CYP17A1: variants seen among roughly 807,000 people sequenced by gnomAD.
CYP17A1 encodes the protein cytochrome P450 family 17 subfamily A member 1.
In CYP17A1, 27 loss-of-function variants were observed where a neutral mutation model predicts 38.5. The observed-to-expected ratio is 0.70, with a 90% CI of 0.52 to 0.97. The LOEUF (loss-of-function observed/expected upper bound fraction) is 0.97. Ranked by LOEUF, CYP17A1 falls within the 50% of genes least tolerant of loss-of-function variation. The pLI is 0.00. For missense variants in CYP17A1, 549 were observed against 645.9 expected, an observed-to-expected ratio of 0.85 and a Z score of 1.63; for synonymous variants, 263 against 253.3, an observed-to-expected ratio of 1.04 and a Z score of -0.36.
At position 102,834,784 on chromosome 10, in the gene CYP17A1, C is replaced by G; in HGVS notation, c.666+1G>C. ...TGAAGGCAGGGCTGGCAGCATCTCA[C>G]CTTCAACCAGGGGACTAGGTCCACC... On this transcript the variant is annotated splice_donor_variant, in intron 3 of 7. Transcript: ENST00000369887. LOFTEE classifies it high-confidence loss of function. 6.2e-7 allele frequency: 1 copy of G among 1,614,138 alleles called. No individual in the cohort carries two copies. Among genetic ancestry groups the G allele is most frequent in the Non-Finnish European group, 8.5e-7 (1 of 1,180,032 alleles).
chr10:102,834,824 C>T lies in CYP17A1; in HGVS notation c.627G>A (p.Leu209=), dbSNP rs1844138814. 1 of 1,614,052 alleles carries T rather than the reference C, an allele frequency of 6.2e-7. No homozygotes were observed. Among genetic ancestry groups the T allele is most frequent in the South Asian group, 1.1e-5 (1 of 91,080 alleles). ...QNYNEGIIDN[L]SKDSLVDLVP... ...CTAGGTCCACCAGGCTGTCTTTGCT[C>T]AGGTTGTCTATGATGCCTTCATTGT... Residue 209 remains leucine (L), a synonymous_variant, in exon 3 of 8, where the codon CTG becomes CTA. Coordinates refer to ENST00000369887, the MANE Select transcript of CYP17A1 (RefSeq NM_000102.4).
intron 6 of CYP17A1, 72 bp downstream of exon 6, chr10:102,832,439 G>T: frequency 9.9e-7 from 1 of 1,011,128 alleles, no homozygotes. Flanking sequence ...CGGGGGTAGG[G>T]GGAGCCAGGT....
At position 102,835,363 on chromosome 10, in the gene CYP17A1, A is replaced by G; in HGVS notation, c.327T>C (p.Arg109=). Residue 109 remains arginine, a synonymous_variant, in exon 2 of 8, where the codon CGT becomes CGC. Coordinates refer to ENST00000369887, the MANE Select transcript of CYP17A1 (RefSeq NM_000102.4). ...CAGAGTCAGCGAAGGCGATACCCTT[A>G]CGGTTGTTGGACGCGATGTCTAGAG... ...MATLDIASNN[R]KGIAFADSGA... is the part of the protein sequence containing the mutation. 1.2e-6 allele frequency: 2 copies of G among 1,612,936 alleles called. No individual in the cohort carries two copies. Among genetic ancestry groups the G allele is most frequent in the Non-Finnish European group, 1.7e-6 (2 of 1,178,884 alleles).
intron 1 of CYP17A1, 190 bp from the exon 2 acceptor site, chr10:102,835,582 T>C: frequency 1.5e-6 from 1 of 649,614 alleles, no homozygotes; most frequent in Non-Finnish European, 2.8e-6. Flanking sequence ...TAAGGCCTCC[T>C]ACTCCCAATT....
In CYP17A1 at chr10:102,837,278, G is replaced by T; in HGVS notation, c.84C>A (p.Pro28=). 1 of 1,604,496 alleles carries T rather than the reference G, an allele frequency of 6.2e-7. No homozygotes were observed. The highest frequency in any genetic ancestry group is 1.3e-5 in the African/African-American group (1 of 74,844). ...CCAGGGGCAGGGACAGGAGGCTCTT[G>T]GGGTACTTGGCACCAGGGCACCTTC... The part of the protein sequence containing the change: ...PKRRCPGAKY[P]KSLLSLPLVG... The change falls in exon 1 of 8, where the codon CCC becomes CCA. Residue 28 remains proline, a synonymous_variant. Transcript: ENST00000369887.
chr10:102,834,758 C>G (rs1336841376), intron 3 of CYP17A1, 27 bp downstream of exon 3: 1 of 1,613,984 alleles, frequency 6.2e-7, no homozygotes, highest in East Asian at 2.2e-5. Context: ...CTACTAGAAC[C>G]TGAAGGCAGG....
In CYP17A1 at chr10:102,830,838, T is replaced by A; in HGVS notation, c.1391A>T (p.Asp464Val). The A allele has an allele frequency of 6.3e-7, 1 of 1,597,682 alleles. No individual in the cohort carries two copies. The highest frequency in any genetic ancestry group is 8.5e-7 in the Non-Finnish European group (1 of 1,170,432). ...CTGCCCATCATCTGGCACCTCCAGGTCGAACCTCTGCAGCAGCCAGGCCAT... is the reference window on the plus strand; with the variant it reads ...CTGCCCATCATCTGGCACCTCCAGGACGAACCTCTGCAGCAGCCAGGCCAT... The part of the protein sequence containing the change: ...LIMAWLLQRF[D>V]LEVPDDGQLP... The change falls in exon 8 of 8, where the codon GAC becomes GTC. Residue 464 changes from aspartate (D) to valine (V), a missense_variant. Asp to Val is a radical substitution (Grantham distance 152, BLOSUM62 -3). Coordinates refer to ENST00000369887, the MANE Select transcript of CYP17A1 (RefSeq NM_000102.4). This position sits in a 1 kb window ranked among gnomAD's most constrained non-coding sequence, Gnocchi z 4.1.
intron 3 of CYP17A1, 128 bp from the exon 4 acceptor site, chr10:102,834,250 G>T: frequency 1.3e-5 from 9 of 698,464 alleles, no homozygotes; most frequent in Non-Finnish European, 1.6e-5. Flanking sequence ...CTGACCTTCA[G>T]CCAGAATGGA....
Position 102,835,348 on chromosome 10 carries a change from G to C in CYP17A1, c.342C>G (p.Phe114Leu). ...IASNNRKGIA[F>L]ADSGAHWQLH... ...GCTGCCAGTGTGCGCCAGAGTCAGC[G>C]AAGGCGATACCCTTACGGTTGTTGG... The change falls in exon 2 of 8, where the codon TTC becomes TTG. Residue 114 changes from phenylalanine (F) to leucine (L), a missense_variant. By Grantham distance (22) the Phe-to-Leu change is conservative. This residue lies in a region of CYP17A1 where 289 missense variants were observed against 320.9 expected (regional missense o/e 0.90). Transcript: ENST00000369887. 1.2e-6 allele frequency: 2 copies of C among 1,611,778 alleles called. No homozygotes were observed. The highest frequency in any genetic ancestry group is 1.7e-6 in the Non-Finnish European group (2 of 1,177,810).
rs1322463902 is a variant in CYP17A1, at chr10:102,833,039, G to A, written c.923C>T (p.Thr308Ile). 6.2e-7 allele frequency: 1 copy of A among 1,614,208 alleles called. No homozygotes were observed. The change falls in exon 5 of 8, where the codon ACC (threonine) becomes ATC (isoleucine). Residue 308 changes from threonine to isoleucine, a missense_variant. By Grantham distance (89) the Thr-to-Ile change is moderately conservative (BLOSUM62 -1). Transcript: ENST00000369887. ...GGCCAGGGTCCATTTAACCACAGAG[G>A]TGGTGGTCTCCACGCCAGCCCCAAA... is the stretch of plus-strand genomic sequence containing the variant. Reference protein sequence around the residue: ...DIFGAGVETTTSVVKWTLAFL... With the variant: ...DIFGAGVETTISVVKWTLAFL...
In CYP17A1 at chr10:102,837,363, G is replaced by T. The variant is rs1844179006; in HGVS notation, c.-2C>A. 1 of 1,605,556 alleles carries T rather than the reference G, an allele frequency of 6.2e-7. No individual in the cohort carries two copies. The stretch of plus-strand genomic sequence containing the variant: ...CAAGAGAGCCACGAGCTCCCACATG[G>T]TGGCTGGGTGCCGGCAGGCAAGATA... On this transcript the variant is annotated 5_prime_UTR_variant, in exon 1 of 8. Coordinates refer to ENST00000369887, the MANE Select transcript of CYP17A1 (RefSeq NM_000102.4).
Position 102,837,214 on chromosome 10 carries a change from G to T in CYP17A1, c.148C>A (p.His50Asn), listed in dbSNP as rs770996975. ...TTCTGCAGCTTGAAGAAGTTGTTAT[G>T]CATATGGCCGTGTCTGGGGAGGAAT... ...LPFLPRHGHM[H>N]NNFFKLQKKY... Residue 50 changes from histidine to asparagine, a missense_variant, in exon 1 of 8, where the codon CAT (histidine) becomes AAT (asparagine). Coordinates refer to ENST00000369887, the MANE Select transcript of CYP17A1 (RefSeq NM_000102.4). The T allele has an allele frequency of 6.2e-7, 1 of 1,608,918 alleles. No individual in the cohort carries two copies. Among genetic ancestry groups the T allele is most frequent in the Non-Finnish European group, 8.5e-7 (1 of 1,175,258 alleles).
chr10:102,833,369 C>G, intron 4 of CYP17A1, 161 bp from the exon 5 acceptor site: 2 of 1,421,102 alleles, frequency 1.4e-6, no homozygotes, highest in South Asian at 1.3e-5. Flanking sequence ...GGAGGCAGCC[C>G]CGGGCCCTCT....
chr10:102,830,598 T>A lies in CYP17A1; in HGVS notation c.*104A>T, dbSNP rs995946220. On this transcript the variant is annotated 3_prime_UTR_variant, in exon 8 of 8. Transcript: ENST00000369887. The surrounding 1 kb of genome is among the most constrained non-coding windows in gnomAD (Gnocchi z 4.1). ...CCACAAGCTGAAAAAGAAGGCAGAG[T>A]GGGTTGGGAGTAGGGAAGAATGGCG... 2 of 695,610 alleles carry A rather than the reference T, an allele frequency of 2.9e-6. No individual in the cohort carries two copies. The highest frequency in any genetic ancestry group is 5.1e-6 in the Non-Finnish European group (2 of 391,488). The allele number at this position is 695,610 out of a possible 1,614,324, so 43.1% of individuals were successfully genotyped here. A position where few individuals can be genotyped will look rare whatever the true frequency, so the allele number is the denominator to read the frequency against.
At chr10:102,836,455 C>CAA (rs71019622) in intron 1 of CYP17A1, among the ~76,000 whole-genome samples, 103 of 62,436 alleles carry the variant, frequency 1.6e-3, no homozygotes, top group Non-Finnish European at 2.2e-3. Context: ...GACTCTGTCT[C>CAA]AAAAAAAAAA....
At position 102,830,643 on chromosome 10, in the gene CYP17A1, A is replaced by G; in HGVS notation, c.*59T>C. ...ATGGCGGAGAAGGGTGGGGGGTTGT[A>G]TCTCTAAATCTGTGTTGTGGGGCCA... is the stretch of plus-strand genomic sequence containing the variant. On this transcript the variant is annotated 3_prime_UTR_variant, in exon 8 of 8. Coordinates refer to ENST00000369887, the MANE Select transcript of CYP17A1 (RefSeq NM_000102.4). This position sits in a 1 kb window ranked among gnomAD's most constrained non-coding sequence, Gnocchi z 4.1. The G allele has an allele frequency of 4.3e-6, 4 of 926,140 alleles. No homozygotes were observed. Among genetic ancestry groups the G allele is most frequent in the Non-Finnish European group, 7.0e-6 (4 of 573,058 alleles). The allele number at this position is 926,140 out of a possible 1,614,324, so 57.4% of individuals were successfully genotyped here.
At chr10:102,831,957 G>T (rs1317216257) in intron 6 of CYP17A1, among the ~76,000 whole-genome samples, 2 of 152,192 alleles carry the variant, frequency 1.3e-5, no homozygotes. Flanking sequence ...TGTCTCTGAG[G>T]GCAGCAGGAA....
At position 102,833,059 on chromosome 10, in the gene CYP17A1, C is replaced by T; in HGVS notation, c.903G>A (p.Gly301=). 1 of 1,614,160 alleles carries T rather than the reference C, an allele frequency of 6.2e-7. No individual in the cohort carries two copies. Residue 301 remains glycine (G), a synonymous_variant, in exon 5 of 8, where the codon GGG becomes GGA. Coordinates refer to ENST00000369887, the MANE Select transcript of CYP17A1 (RefSeq NM_000102.4). ...HILTTIGDIF[G]AGVETTTSVV... ...CAGAGGTGGTGGTCTCCACGCCAGC[C>T]CCAAAGATGTCCCCTATGGTGGTGA...
rs1844114173 is a variant in CYP17A1, at chr10:102,833,118, G to C, written c.844C>G (p.Gln282Glu). 1 of 1,614,178 alleles carries C rather than the reference G, an allele frequency of 6.2e-7. No homozygotes were observed. The highest frequency in any genetic ancestry group is 8.5e-7 in the Non-Finnish European group (1 of 1,180,040). Reference protein sequence around the residue: ...NSDNGNAGPDQDSELLSDNHI... With the variant: ...NSDNGNAGPDEDSELLSDNHI... ...TTATCTGAAAGCAGCTCTGAGTCTT[G>C]ATCTGGGCCAGCATTGCCATTATCT... is the stretch of plus-strand genomic sequence containing the variant. The change falls in exon 5 of 8, where the codon CAA (glutamine) becomes GAA (glutamate). Residue 282 changes from glutamine to glutamate, a missense_variant. By Grantham distance (29) the Gln-to-Glu change is conservative. Transcript: ENST00000369887.
Sources: gnomAD v4.1 joint callset for allele counts (sites outside exome capture counted in the v4.1 genomes callset) on GRCh38, gnomAD v4.1.1 for gene constraint, gnomAD v4.1.1 regional missense constraint, Gnocchi (gnomAD v3.1) non-coding constraint, MANE v1.5 for transcripts, NCBI Gene and HGNC (gene_info 2026-07-23, HGNC 2026-07-21) for gene names.